The following CLK1 variants were observed in gnomAD, a reference collection of about 807,000 sequenced individuals.
CLK1 encodes CDC like kinase 1, also known as dual specificity protein kinase CLK1.
Under a neutral mutation model 60.9 loss-of-function variants are expected in CLK1, and 40 were observed. The observed-to-expected ratio is 0.66, with a 90% confidence interval of 0.51 to 0.86. CLK1 has a LOEUF of 0.86. CLK1 is among the 40% of genes least tolerant of loss of function. The pLI is 0.00. For synonymous variants in CLK1, 203 were observed against 184.4 expected (o/e 1.10, Z -0.82); for missense variants, 563 against 606.1 (o/e 0.93, Z 0.75).
At chr2:200,854,050 G>T in intron 11 of CLK1, 57 bp from the exon 12 acceptor site, 2 of 1,167,850 alleles carry the variant, frequency 1.7e-6, no homozygotes, top group Non-Finnish European at 2.5e-6. Context: ...AAAACAGCTA[G>T]CAAAGGTATC....
chr2:200,854,882 ATTAG>A lies in CLK1; in HGVS notation c.1140+118_1140+121del, dbSNP rs578240338. The stretch of plus-strand genomic sequence containing the variant: ...TAAAACAATTATGAAAGAAATATGA[ATTAG>A]TTTATTTATGCTTATCTACAATTAA... On this transcript the variant is annotated intron_variant, in intron 10 of 12. Transcript: ENST00000321356. 4.5e-5 allele frequency: 36 copies of A among 802,910 alleles called. No homozygotes were observed. In the African/African-American group the frequency reaches 5.6e-4, roughly 13 times the overall value. The allele number at this position is 802,910 out of a possible 1,614,324, so 49.7% of individuals were successfully genotyped here.
intron 9 of CLK1, 36 bp from the exon 10 acceptor site, chr2:200,855,122 C>T (rs1228569061): frequency 1.4e-6 from 2 of 1,463,798 alleles, no homozygotes; most frequent in Non-Finnish European, 1.9e-6. Context: ...AAAAAAAATA[C>T]TCAATGTTTG....
chr2:200,862,921 T>G (rs377665657), intron 1 of CLK1, among the ~76,000 whole-genome samples: 2 of 151,610 alleles, frequency 1.3e-5, no homozygotes, highest in Non-Finnish European at 2.9e-5. Flanking sequence ...AAACACCATC[T>G]TTCCAGTACC....
intron 4 of CLK1, 112 bp from the exon 5 acceptor site, chr2:200,859,858 A>G: frequency 6.6e-7 from 1 of 1,507,372 alleles, no homozygotes; most frequent in Non-Finnish European, 8.9e-7. Flanking sequence ...TTTCCTTATC[A>G]CTAGATATTT....
Position 200,858,231 on chromosome 2 carries a change from A to C in CLK1, c.549-142T>G, listed in dbSNP as rs190260919. 5.8e-4 allele frequency: 387 copies of C among 664,784 alleles called. No individual in the cohort carries two copies. In the African/African-American group the frequency reaches 6.1e-3, roughly 10 times the overall value. The allele number at this position is 664,784 out of a possible 1,614,324, so 41.2% of individuals were successfully genotyped here. On this transcript the variant is annotated intron_variant, in intron 5 of 12. Coordinates refer to ENST00000321356, the MANE Select transcript of CLK1 (RefSeq NM_004071.4). Reference sequence around the variant, plus strand: ...TAGTGTTCAGTTCTGATTCTATTACATGCTGAATGACACAAATTTCTTTCA... The same window carrying C: ...TAGTGTTCAGTTCTGATTCTATTACCTGCTGAATGACACAAATTTCTTTCA...
chr2:200,857,281 GAAC>G (rs2039059399), intron 7 of CLK1: 1 of 326,064 alleles, frequency 3.1e-6, no homozygotes, highest in African/African-American at 2.1e-5. Context: ...ACTTCAGCCT[GAAC>G]AACAAAGCGA....
chr2:200,861,450 T>G lies in CLK1; in HGVS notation c.178A>C (p.Arg60=). The change falls in exon 3 of 13, where the codon AGG becomes CGG. Residue 60 remains arginine, a synonymous_variant. Coordinates refer to ENST00000321356, the MANE Select transcript of CLK1 (RefSeq NM_004071.4). ...TGATAATCTTTCTCATTTATAGACC[T>G]GCTTTCCAAATAATGGCTAGAGAAA... ...KMCDSHYLES[R]SINEKDYHSR... 1 of 1,612,712 alleles carries G rather than the reference T, an allele frequency of 6.2e-7. No individual in the cohort carries two copies. Among genetic ancestry groups the G allele is most frequent in the Non-Finnish European group, 8.5e-7 (1 of 1,179,600 alleles).
intron 5 of CLK1, 98 bp from the exon 6 acceptor site, chr2:200,858,187 A>AT (rs1006619595): frequency 2.4e-6 from 2 of 825,636 alleles, no homozygotes; most frequent in Non-Finnish European, 4.2e-6. Flanking sequence ...GACCCACTGT[A>AT]TTTTTTTAAT....
At chr2:200,858,304 ACTT>A in intron 5 of CLK1, 1 of 552,938 alleles carries the variant, frequency 1.8e-6, no homozygotes. Flanking sequence ...CAGCTAAACA[ACTT>A]CTTCCTATAT....
Position 200,854,704 on chromosome 2 carries a change from A to G in CLK1, c.1141-9T>C, listed in dbSNP as rs2039010972. The G allele has an allele frequency of 6.3e-7, 1 of 1,587,306 alleles. No individual in the cohort carries two copies. Among genetic ancestry groups the G allele is most frequent in the Non-Finnish European group, 8.6e-7 (1 of 1,157,010 alleles). The stretch of plus-strand genomic sequence containing the variant: ...TCCTTACTATCGTGTGTCTAGAAAT[A>G]AAATAAAAACAGACTTGGGGAAGAT... On this transcript the variant is annotated splice_polypyrimidine_tract_variant and intron_variant, in intron 10 of 12. Coordinates refer to ENST00000321356, the MANE Select transcript of CLK1 (RefSeq NM_004071.4).
At chr2:200,857,671 G>C in intron 7 of CLK1, 47 bp downstream of exon 7, 1 of 1,483,232 alleles carries the variant, frequency 6.7e-7, no homozygotes, top group Non-Finnish European at 9.1e-7. Flanking sequence ...TTTGATATGT[G>C]GAATGGATAA....
intron 3 of CLK1, chr2:200,860,882 C>A: frequency 9.4e-7 from 1 of 1,067,804 alleles, no homozygotes. Context: ...ATAAAATGCC[C>A]TGTTCTACTT....
intron 1 of CLK1, among the ~76,000 whole-genome samples, chr2:200,862,853 T>C (rs1575082278): frequency 6.6e-6 from 1 of 152,230 alleles, no homozygotes; most frequent in Non-Finnish European, 1.5e-5. Context: ...CAAATGAAAC[T>C]ACCAAGGACT....
intron 9 of CLK1, among the ~76,000 whole-genome samples, chr2:200,855,683 A>T (rs2039028824): frequency 6.6e-6 from 1 of 150,554 alleles, no homozygotes. Context: ...GAGCTGGAAG[A>T]TCCTAAAGCA....
Position 200,861,237 on chromosome 2 carries a change from C to G in CLK1, c.390+1G>C. 1 of 1,613,752 alleles carries G rather than the reference C, an allele frequency of 6.2e-7. No individual in the cohort carries two copies. On this transcript the variant is annotated splice_donor_variant, in intron 3 of 12. Coordinates refer to ENST00000321356, the MANE Select transcript of CLK1 (RefSeq NM_004071.4). LOFTEE classifies it high-confidence loss of function. ...CCAAAATGTTTTAAAAACGTTCATA[C>G]CCCATGTGAACGACGATGTGAAGTA...
At chr2:200,854,245 T>A in intron 11 of CLK1, 14 of 346,978 alleles carry the variant, frequency 4.0e-5, no homozygotes, top group Non-Finnish European at 5.7e-5. Flanking sequence ...AAAAAAAAAA[T>A]TAAGTTCTGG....
Position 200,860,223 on chromosome 2 carries a change from C to G in CLK1, c.391-8G>C. The G allele has an allele frequency of 1.9e-6, 3 of 1,613,808 alleles. No individual in the cohort carries two copies. The highest frequency in any genetic ancestry group is 2.5e-6 in the Non-Finnish European group (3 of 1,179,900). On this transcript the variant is annotated splice_region_variant and splice_polypyrimidine_tract_variant and intron_variant, in intron 3 of 12. Coordinates refer to ENST00000321356, the MANE Select transcript of CLK1 (RefSeq NM_004071.4). ...TTTCCTTCGGTGACTCTTCTGGAAA[C>G]GTCAAGTGGGCGGCACCAAGATCAT...
Position 200,861,780 on chromosome 2 carries a change from T to C in CLK1, c.83A>G (p.His28Arg). Residue 28 changes from histidine (H) to arginine (R), a missense_variant, in exon 2 of 13, where the codon CAT (histidine) becomes CGT (arginine). By Grantham distance (29) the His-to-Arg change is conservative. Around this residue, in one of 3 missense-constraint regions of CLK1, gnomAD observed 198 missense variants for 179.2 expected, o/e 1.10. Transcript: ENST00000321356. Reference protein sequence around the residue: ...DYGKWRSSSSHKRRKRSHSSA... With the variant: ...DYGKWRSSSSRKRRKRSHSSA... Reference sequence around the variant, plus strand: ...GCTATGTGATCTCTTCCTTCTTTTATGACTGCTGCTGCTCCTCCATTTTCC... The same window carrying C: ...GCTATGTGATCTCTTCCTTCTTTTACGACTGCTGCTGCTCCTCCATTTTCC... The C allele has an allele frequency of 6.2e-7, 1 of 1,614,178 alleles. No homozygotes were observed.
rs533474872 is a variant in CLK1, at chr2:200,864,129, G to A, written c.-1+435C>T. 1.6e-4 allele frequency: 252 copies of A among 1,551,142 alleles called. 3 individuals are homozygous for A. In the South Asian group the frequency reaches 2.8e-3, roughly 17 times the overall value. On this transcript the variant is annotated intron_variant, in intron 1 of 12. Coordinates refer to ENST00000321356, the MANE Select transcript of CLK1 (RefSeq NM_004071.4). The stretch of plus-strand genomic sequence containing the variant: ...AGACAACGTTTCCCCACAGCTGCTT[G>A]GCTCACGCACATTCTGGAACCCCAG...
Sources: allele counts gnomAD v4.1 joint callset (sites outside exome capture counted in the v4.1 genomes callset), GRCh38; gene constraint gnomAD v4.1.1; regional missense constraint gnomAD v4.1.1; transcripts MANE v1.5; gene names NCBI Gene and HGNC (gene_info 2026-07-23, HGNC 2026-07-21).